ATG10: variants seen among roughly 807,000 people sequenced by gnomAD.
ATG10 encodes autophagy related 10.
A neutral mutation model predicts 32.1 loss-of-function variants in ATG10; 30 were observed. The observed-to-expected ratio is 0.94, with a 90% confidence interval of 0.70 to 1.27. The LOEUF is 1.27. Among genes scored for constraint, ATG10 ranks in the 50% most tolerant of loss-of-function variants. The pLI is 0.00. For synonymous variants in ATG10, 87 were observed against 91.5 expected (o/e 0.95, Z 0.28); for missense variants, 233 against 262.3 (o/e 0.89, Z 0.77).
intron 5 of ATG10, among the ~76,000 whole-genome samples, chr5:82,207,265 T>C (rs758182073): frequency 1.5e-4 from 23 of 152,256 alleles, no homozygotes; most frequent in Non-Finnish European, 3.1e-4. Context: ...TCTATCAATA[T>C]ATAAATTCCC....
At chr5:82,089,581 A>G (rs1211471455) in intron 3 of ATG10, among the ~76,000 whole-genome samples, 1 of 152,204 alleles carries the variant, frequency 6.6e-6, no homozygotes, top group Non-Finnish European at 1.5e-5. Context: ...AGTCTCACAC[A>G]TTTTACAAAA....
At chr5:81,994,610 A>G (rs889940210) in intron 2 of ATG10, among the ~76,000 whole-genome samples, 1 of 152,224 alleles carries the variant, frequency 6.6e-6, no homozygotes, top group Non-Finnish European at 1.5e-5. Context: ...CTCTCTGCTT[A>G]TATAAGTTGT....
chr5:82,020,087 G>A (rs993933460), intron 2 of ATG10, among the ~76,000 whole-genome samples: 4 of 152,238 alleles, frequency 2.6e-5, no homozygotes, highest in African/African-American at 4.8e-5. Context: ...GAGAGATATT[G>A]ACAACCAGGG....
At chr5:82,047,874 C>T (rs1012100984) in intron 2 of ATG10, among the ~76,000 whole-genome samples, 3 of 152,096 alleles carry the variant, frequency 2.0e-5, no homozygotes, top group Non-Finnish European at 4.4e-5. Context: ...GTCTTTAATC[C>T]ACCTTGAATT....
At chr5:82,249,879 G>A (rs886631283) in intron 5 of ATG10, among the ~76,000 whole-genome samples, 2 of 152,200 alleles carry the variant, frequency 1.3e-5, no homozygotes, top group African/African-American at 2.4e-5. Context: ...TGAACTGTAA[G>A]TGCCTATCCA....
At chr5:82,174,232 A>T (rs1743922154) in intron 4 of ATG10, among the ~76,000 whole-genome samples, 1 of 152,204 alleles carries the variant, frequency 6.6e-6, no homozygotes, top group African/African-American at 2.4e-5. Context: ...TAGGCAAACC[A>T]GTGACGAAGG....
chr5:82,041,532 C>T (rs561067400), intron 2 of ATG10, among the ~76,000 whole-genome samples: 5 of 151,956 alleles, frequency 3.3e-5, no homozygotes, highest in East Asian at 1.9e-4. Context: ...GTAATAAGAG[C>T]GTTAAATGCT....
intron 2 of ATG10, among the ~76,000 whole-genome samples, chr5:82,052,907 C>A (rs1196855093): frequency 2.0e-5 from 3 of 152,064 alleles, no homozygotes; most frequent in Non-Finnish European, 2.9e-5. Context: ...AGGTTGTTTC[C>A]AACCTTATAC....
At chr5:82,209,411 G>A (rs936575136) in intron 5 of ATG10, among the ~76,000 whole-genome samples, 21 of 152,096 alleles carry the variant, frequency 1.4e-4, no homozygotes, top group African/African-American at 4.6e-4. Context: ...TTCAAGGTGG[G>A]ATTAGTGTGC....
chr5:82,077,470 GT>G (rs934963937), intron 3 of ATG10, among the ~76,000 whole-genome samples: 5 of 152,142 alleles, frequency 3.3e-5, no homozygotes, highest in African/African-American at 1.2e-4. Flanking sequence ...TATTTTGTGG[GT>G]TTTTGGATGT....
chr5:82,133,812 G>A (rs1299648590), intron 3 of ATG10, among the ~76,000 whole-genome samples: 3 of 152,090 alleles, frequency 2.0e-5, no homozygotes, highest in Non-Finnish European at 4.4e-5. Flanking sequence ...AATTTGGGCA[G>A]TATGGCCATT....
At chr5:82,118,030 G>A (rs1322246748) in intron 3 of ATG10, among the ~76,000 whole-genome samples, 1 of 151,892 alleles carries the variant, frequency 6.6e-6, no homozygotes, top group African/African-American at 2.4e-5. Flanking sequence ...GCCTTGTATT[G>A]AGCAAGACAA....
intron 2 of ATG10, among the ~76,000 whole-genome samples, chr5:81,994,998 G>A (rs1382560320): frequency 6.6e-6 from 1 of 152,162 alleles, no homozygotes; most frequent in African/African-American, 2.4e-5. Context: ...TCCTGCTTTT[G>A]TGCCTTCATG....
Position 82,155,079 on chromosome 5 carries a change from T to C in ATG10, c.217-9320T>C, listed in dbSNP as rs79505345. Among the ~76,000 whole-genome samples the C allele has an allele frequency of 3.2e-3, 494 of 152,320 alleles. 1 individual carries two copies. Among genetic ancestry groups the C allele is most frequent in the African/African-American group, 0.011 (469 of 41,568 alleles). ...CAGAGAAATTTACTCAGTTCTGAAT[T>C]TGAGTGTAGAAGTTTATTCATGTGC... On this transcript the variant is annotated intron_variant, in intron 3 of 7. Coordinates refer to ENST00000282185, the MANE Select transcript of ATG10 (RefSeq NM_031482.5).
Position 82,187,745 on chromosome 5 carries a change from G to A in ATG10, c.453+9158G>A, listed in dbSNP as rs570962742. Among the ~76,000 whole-genome samples the A allele has an allele frequency of 4.4e-3, 668 of 151,514 alleles. 3 individuals carry two copies. The highest frequency in any genetic ancestry group is 6.2e-3 in the Non-Finnish European group (423 of 67,860). ...TGAGATTGCAGGCGCCCGCCACCAC[G>A]CCTGGCTAATTTTTGTATTTTTAGT... is the stretch of plus-strand genomic sequence containing the variant. On this transcript the variant is annotated intron_variant, in intron 5 of 7. Coordinates refer to ENST00000282185, the MANE Select transcript of ATG10 (RefSeq NM_031482.5).
chr5:82,044,879 G>A (rs544898635), intron 2 of ATG10, among the ~76,000 whole-genome samples: 50 of 152,272 alleles, frequency 3.3e-4, no homozygotes, highest in South Asian at 8.3e-4. Context: ...CTTAGTGAAA[G>A]ACTCACAAAA....
chr5:82,215,221 G>T (rs1205728508), intron 5 of ATG10, among the ~76,000 whole-genome samples: 1 of 152,020 alleles, frequency 6.6e-6, no homozygotes, highest in Non-Finnish European at 1.5e-5. Flanking sequence ...ATGCCATGTG[G>T]GCTTCTCCAT....
chr5:82,201,870 G>A (rs1048604248), intron 5 of ATG10, among the ~76,000 whole-genome samples: 3 of 152,022 alleles, frequency 2.0e-5, no homozygotes, highest in Non-Finnish European at 4.4e-5. Context: ...AAATTTTTAT[G>A]TAAATATTTC....
intron 5 of ATG10, among the ~76,000 whole-genome samples, chr5:82,222,078 A>G (rs1047620257): frequency 2.0e-5 from 3 of 152,222 alleles, no homozygotes; most frequent in African/African-American, 7.2e-5. Context: ...TGGTTTGAAG[A>G]GTACTCTCTC....
Sources: gnomAD v4.1 joint callset for allele counts (sites outside exome capture counted in the v4.1 genomes callset) on GRCh38, gnomAD v4.1.1 for gene constraint, MANE v1.5 for transcripts, NCBI Gene and HGNC (gene_info 2026-07-23, HGNC 2026-07-21) for gene names.